LRRN1: variants seen among roughly 807,000 people sequenced by gnomAD.
The protein encoded by LRRN1 is leucine rich repeat neuronal 1, also known as leucine-rich repeat neuronal protein 1.
A neutral mutation model predicts 45.8 loss-of-function variants in LRRN1; 14 were observed. The observed-to-expected ratio is 0.31, with a 90% CI of 0.20 to 0.48. LRRN1 has a LOEUF of 0.48. Ranked by LOEUF, LRRN1 falls within the 20% of genes least tolerant of loss-of-function variation. The pLI, the probability that LRRN1 is intolerant of heterozygous loss-of-function variation, is 0.99. For missense variants in LRRN1, 789 were observed against 874.2 expected (o/e 0.90, Z 1.23); for synonymous variants, 359 against 330.1 (o/e 1.09, Z -0.95).
intron 1 of LRRN1, chr3:3,827,477 GTTGGTGTTGAGGCAATCTATT>G (rs1343106140): frequency 2.2e-6 from 1 of 456,692 alleles, no homozygotes; most frequent in African/African-American, 2.0e-5. Flanking sequence ...TACAGGCAAT[GTTGGTGTTGAGGCAATCTATT>G]TTTCTTAAAC....
chr3:3,826,748 AAG>A (rs1242518742), intron 1 of LRRN1, among the ~76,000 whole-genome samples: 1 of 152,128 alleles, frequency 6.6e-6, no homozygotes, highest in African/African-American at 2.4e-5. Context: ...AAAGAAATCT[AAG>A]AGTCAGAAAG....
intron 1 of LRRN1, among the ~76,000 whole-genome samples, chr3:3,801,562 C>G (rs1692653253): frequency 1.3e-5 from 2 of 152,118 alleles, no homozygotes; most frequent in Admixed American, 6.5e-5. Context: ...GTGAGCGGAT[C>G]CTGGCAGATG....
In LRRN1 at chr3:3,849,333, C is replaced by T. The variant is rs907610824; in HGVS notation, c.*2541C>T. Reference sequence around the variant, plus strand: ...GCCAGCCCAGTTTGGGGGGAAAAACCCCTTTTACATTTTTCTTCAGTAAAG... The same window carrying T: ...GCCAGCCCAGTTTGGGGGGAAAAACTCCTTTTACATTTTTCTTCAGTAAAG... On this transcript the variant is annotated 3_prime_UTR_variant, in exon 2 of 2. Transcript: ENST00000319331. Among the ~76,000 whole-genome samples the T allele has an allele frequency of 6.6e-5, 10 of 152,166 alleles. No homozygotes were observed. The highest frequency in any genetic ancestry group is 2.4e-4 in the African/African-American group (10 of 41,452).
At position 3,847,752 on chromosome 3, in the gene LRRN1, A is replaced by C. The variant is rs1693808417; in HGVS notation, c.*960A>C. On this transcript the variant is annotated 3_prime_UTR_variant, in exon 2 of 2. Coordinates refer to ENST00000319331, the MANE Select transcript of LRRN1 (RefSeq NM_020873.7). ...TTAAAGCTAGGCCCTAAAAGGTTTT[A>C]ATTCTTTTTCTAAGGGAAGAAATGT... 1 of 166,600 alleles carries C rather than the reference A, an allele frequency of 6.0e-6. No homozygotes were observed. Among genetic ancestry groups the C allele is most frequent in the Non-Finnish European group, 1.5e-5 (1 of 68,092 alleles). 10.3% of individuals were successfully genotyped at this position (166,600 alleles called of 1,614,324 possible). A position where few individuals can be genotyped will look rare whatever the true frequency, so the allele number is the denominator to read the frequency against.
chr3:3,809,485 G>A (rs1249924850), intron 1 of LRRN1, among the ~76,000 whole-genome samples: 1 of 152,194 alleles, frequency 6.6e-6, no homozygotes, highest in African/African-American at 2.4e-5. Context: ...CAAACTGCTA[G>A]CAATATTAAA....
intron 1 of LRRN1, among the ~76,000 whole-genome samples, chr3:3,831,465 G>T (rs572980795): frequency 2.6e-5 from 4 of 152,190 alleles, no homozygotes; most frequent in African/African-American, 9.7e-5. Flanking sequence ...TGTCATCAAC[G>T]TAATGGACCA....
chr3:3,802,853 T>C (rs1283438100), intron 1 of LRRN1, among the ~76,000 whole-genome samples: 1 of 152,246 alleles, frequency 6.6e-6, no homozygotes, highest in Non-Finnish European at 1.5e-5. Context: ...TTTTGAAACC[T>C]GGTAAGTTAA....
chr3:3,800,156 A>T (rs200760080), intron 1 of LRRN1, among the ~76,000 whole-genome samples: 2 of 126,258 alleles, frequency 1.6e-5, no homozygotes, highest in African/African-American at 3.0e-5. Context: ...AAAAAAAAAA[A>T]GGTGTGGGAG....
intron 1 of LRRN1, among the ~76,000 whole-genome samples, chr3:3,824,703 G>A (rs1186207473): frequency 6.6e-6 from 1 of 152,214 alleles, no homozygotes; most frequent in Non-Finnish European, 1.5e-5. Flanking sequence ...ATGATTCATT[G>A]ATGGAGCACT....
chr3:3,812,812 TAAAAA>T (rs34881587), intron 1 of LRRN1, among the ~76,000 whole-genome samples: 2 of 121,518 alleles, frequency 1.6e-5, no homozygotes, highest in Non-Finnish European at 3.4e-5. Context: ...ATCTTGGTTG[TAAAAA>T]AAAAAAAAAA....
chr3:3,833,753 G>T (rs1693422825), intron 1 of LRRN1, among the ~76,000 whole-genome samples: 1 of 152,182 alleles, frequency 6.6e-6, no homozygotes, highest in African/African-American at 2.4e-5. Flanking sequence ...GACAAAGGCG[G>T]AAAGGCCTAT....
Position 3,847,798 on chromosome 3 carries a change from T to C in LRRN1, c.*1006T>C, listed in dbSNP as rs1693808877. 1 of 166,392 alleles carries C rather than the reference T, an allele frequency of 6.0e-6. No individual in the cohort carries two copies. Among genetic ancestry groups the C allele is most frequent in the Admixed American group, 6.5e-5 (1 of 15,280 alleles). The allele number at this position is 166,392 out of a possible 1,614,324, so 10.3% of individuals were successfully genotyped here. A position where few individuals can be genotyped will look rare whatever the true frequency, so the allele number is the denominator to read the frequency against. On this transcript the variant is annotated 3_prime_UTR_variant, in exon 2 of 2. Coordinates refer to ENST00000319331, the MANE Select transcript of LRRN1 (RefSeq NM_020873.7). ...AATGTCTATTTTAATTAAGATATTT[T>C]AATGAACAGGATTTCTGTATTTTAA...
At chr3:3,841,874 A>G (rs1693660632) in intron 1 of LRRN1, among the ~76,000 whole-genome samples, 1 of 152,208 alleles carries the variant, frequency 6.6e-6, no homozygotes, top group Non-Finnish European at 1.5e-5. Context: ...CTAGTTTTAT[A>G]ATACTGAAAA....
chr3:3,834,524 G>C (rs1431478705), intron 1 of LRRN1, among the ~76,000 whole-genome samples: 1 of 1,922 alleles, frequency 5.2e-4, no homozygotes, highest in Non-Finnish European at 2.5e-3. Flanking sequence ...GGACAGAACA[G>C]GATATATATA....
chr3:3,817,252 G>A (rs377447133), intron 1 of LRRN1, among the ~76,000 whole-genome samples: 3 of 152,148 alleles, frequency 2.0e-5, no homozygotes, highest in Non-Finnish European at 2.9e-5. Context: ...TTCTTGCGGC[G>A]ATTAAAAATG....
chr3:3,820,061 GTT>G, intron 1 of LRRN1, among the ~76,000 whole-genome samples: 1 of 152,060 alleles, frequency 6.6e-6, no homozygotes, highest in African/African-American at 2.4e-5. Flanking sequence ...TTTTGTTGTT[GTT>G]GTTGTTGTTG....
Position 3,845,831 on chromosome 3 carries a change from T to G in LRRN1, c.1190T>G (p.Met397Arg), listed in dbSNP as rs763780599. The change falls in exon 2 of 2, where the codon ATG (methionine) becomes AGG (arginine). Residue 397 changes from methionine to arginine, a missense_variant. Transcript: ENST00000319331. The surrounding 1 kb of genome is among the most constrained non-coding windows in gnomAD (Gnocchi z 6.5). ...TNIRFMEPLS[M>R]FCAMPPEYKG... Reference sequence around the variant, plus strand: ...ATCCGCTTCATGGAGCCCCTGTCCATGTTCTGTGCCATGCCGCCCGAATAT... The same window carrying G: ...ATCCGCTTCATGGAGCCCCTGTCCAGGTTCTGTGCCATGCCGCCCGAATAT... 1 of 1,614,164 alleles carries G rather than the reference T, an allele frequency of 6.2e-7. No individual in the cohort carries two copies. Among genetic ancestry groups the G allele is most frequent in the South Asian group, 1.1e-5 (1 of 91,080 alleles).
chr3:3,839,041 G>A (rs569113157), intron 1 of LRRN1, among the ~76,000 whole-genome samples: 9 of 151,866 alleles, frequency 5.9e-5, no homozygotes, highest in Non-Finnish European at 1.2e-4. Context: ...TGTTGTTGTC[G>A]TTGCCTGTGT....
At chr3:3,833,818 T>G (rs1015289826) in intron 1 of LRRN1, among the ~76,000 whole-genome samples, 1 of 152,152 alleles carries the variant, frequency 6.6e-6, no homozygotes, top group Admixed American at 6.5e-5. Flanking sequence ...GGAAGCTGTT[T>G]CTTCTGGCAA....
Sources: allele counts gnomAD v4.1 joint callset (sites outside exome capture counted in the v4.1 genomes callset), GRCh38; gene constraint gnomAD v4.1.1; non-coding constraint Gnocchi (gnomAD v3.1); transcripts MANE v1.5; gene names NCBI Gene and HGNC (gene_info 2026-07-23, HGNC 2026-07-21).